Variants in PPARGC1A observed in about 807,000 individuals in gnomAD.
The protein encoded by PPARGC1A is peroxisome proliferator-activated receptor gamma coactivator 1-alpha.
PPARGC1A carries 25 observed loss-of-function variants against 88.7 expected under a neutral mutation model. That is an observed-to-expected ratio of 0.28 (90% confidence interval 0.21 to 0.39). The LOEUF (loss-of-function observed/expected upper bound fraction) is 0.39, where lower values mean the gene tolerates loss of function less well. Ranked by LOEUF, PPARGC1A falls within the 10% of genes least tolerant of loss-of-function variation. The probability of loss-of-function intolerance (pLI) is 1.00; values close to 1 mark genes in which losing one functional copy is unlikely to be tolerated. For synonymous variants in PPARGC1A, 363 were observed against 355.6 expected (o/e 1.02, Z -0.24); for missense variants, 880 against 968.7 (o/e 0.91, Z 1.22).
the PPARGC1A span, among the ~76,000 whole-genome samples, chr4:24,161,279 T>C: frequency 2.6e-5 from 4 of 152,192 alleles, no homozygotes; most frequent in African/African-American, 9.6e-5. Flanking sequence ...CTCTCCCACC[T>C]CTCAGCTTTT....
chr4:23,814,271 G>C lies in PPARGC1A; in HGVS notation c.1212C>G (p.Leu404=). The change falls in exon 8 of 13, where the codon CTC becomes CTG. Residue 404 remains leucine (L), a synonymous_variant. Coordinates refer to ENST00000264867, the MANE Select transcript of PPARGC1A (RefSeq NM_013261.5). ...TEILINISQE[L]QDSRQLENKD... is the part of the protein sequence containing the mutation. The stretch of plus-strand genomic sequence containing the variant: ...TATTTTCTAGTTGTCTAGAGTCTTG[G>C]AGCTCCTGTGATATATTAATGAGTA... 6.2e-7 allele frequency: 1 copy of C among 1,614,006 alleles called. No individual in the cohort carries two copies. The highest frequency in any genetic ancestry group is 8.5e-7 in the Non-Finnish European group (1 of 1,179,986).
chr4:23,954,390 A>C, the PPARGC1A span, among the ~76,000 whole-genome samples: 7 of 152,142 alleles, frequency 4.6e-5, no homozygotes, highest in East Asian at 1.4e-3. Context: ...TCTCTGGACA[A>C]TTTTGTTATT....
At chr4:24,212,134 G>A in the PPARGC1A span, among the ~76,000 whole-genome samples, 2 of 152,156 alleles carry the variant, frequency 1.3e-5, no homozygotes, top group Admixed American at 1.3e-4. Flanking sequence ...GTTTCTTGAT[G>A]TAAGTCCAAC....
the PPARGC1A span, among the ~76,000 whole-genome samples, chr4:24,404,119 CG>C: frequency 2.4e-4 from 37 of 151,838 alleles, no homozygotes; most frequent in Non-Finnish European, 4.4e-4. Flanking sequence ...AAAAATTAGC[CG>C]GGCATGGTGG....
chr4:24,304,245 TGACTTCTA>T, the PPARGC1A span, among the ~76,000 whole-genome samples: 26 of 152,230 alleles, frequency 1.7e-4, no homozygotes, highest in African/African-American at 5.5e-4. Context: ...GCACTTATTT[TGACTTCTA>T]GTGAGTGCTA....
chr4:24,065,752 G>A, the PPARGC1A span, among the ~76,000 whole-genome samples: 9 of 152,236 alleles, frequency 5.9e-5, no homozygotes, highest in Non-Finnish European at 1.2e-4. Flanking sequence ...CTCTCCCTAG[G>A]TTAGTGGGCA....
At chr4:23,829,205 G>C (rs867935305) in intron 4 of PPARGC1A, among the ~76,000 whole-genome samples, 1 of 152,150 alleles carries the variant, frequency 6.6e-6, no homozygotes, top group African/African-American at 2.4e-5. Flanking sequence ...CAATGCTGCA[G>C]GTAACAATAA....
the PPARGC1A span, among the ~76,000 whole-genome samples, chr4:24,097,445 C>A: frequency 6.6e-6 from 1 of 152,106 alleles, no homozygotes; most frequent in African/African-American, 2.4e-5. Flanking sequence ...TATACATTTC[C>A]ACTTTAACTT....
At chr4:24,264,173 A>G in the PPARGC1A span, among the ~76,000 whole-genome samples, 40 of 152,336 alleles carry the variant, frequency 2.6e-4, no homozygotes, top group Admixed American at 7.8e-4. Flanking sequence ...AGTCAATAGT[A>G]GACTATCAGT....
the PPARGC1A span, among the ~76,000 whole-genome samples, chr4:24,234,681 A>G: frequency 6.6e-6 from 1 of 152,222 alleles, no homozygotes; most frequent in Non-Finnish European, 1.5e-5. Context: ...TACTGTGGTT[A>G]TGTGCTAATT....
At chr4:23,895,958 GTGTGTGTGTGTGTGTGTGTGTGTATATA>G (rs1278935928) in intron 1 of PPARGC1A, among the ~76,000 whole-genome samples, 21 of 51,948 alleles carry the variant, frequency 4.0e-4, no homozygotes, top group African/African-American at 2.4e-3. Context: ...GTGTGTGTGT[GTGTGTGTGTGTGTGTGTGTGTGTATATA>G]TATATACACA....
chr4:23,930,412 G>A, the PPARGC1A span, among the ~76,000 whole-genome samples: 1 of 152,126 alleles, frequency 6.6e-6, no homozygotes, highest in Non-Finnish European at 1.5e-5. Context: ...TGACATTTAG[G>A]TACAACGCTG....
chr4:23,921,906 C>T, the PPARGC1A span, among the ~76,000 whole-genome samples: 7 of 152,204 alleles, frequency 4.6e-5, no homozygotes, highest in Admixed American at 4.6e-4. Context: ...TGTCGGAGAG[C>T]ACGTTCTACA....
At chr4:24,176,052 A>G in the PPARGC1A span, among the ~76,000 whole-genome samples, 1 of 152,136 alleles carries the variant, frequency 6.6e-6, no homozygotes, top group Non-Finnish European at 1.5e-5. Context: ...AGTCTCAAGG[A>G]TCACTGGGCT....
the PPARGC1A span, among the ~76,000 whole-genome samples, chr4:24,054,916 T>A: frequency 6.6e-6 from 1 of 152,192 alleles, no homozygotes; most frequent in African/African-American, 2.4e-5. Context: ...AAGCACAATA[T>A]TACTAAATTG....
At chr4:24,232,924 C>T in the PPARGC1A span, among the ~76,000 whole-genome samples, 2 of 152,070 alleles carry the variant, frequency 1.3e-5, no homozygotes, top group Non-Finnish European at 2.9e-5. Context: ...GAAAGCAAAT[C>T]GTGAAGGAAA....
At chr4:24,315,552 G>T in the PPARGC1A span, among the ~76,000 whole-genome samples, 1 of 152,198 alleles carries the variant, frequency 6.6e-6, no homozygotes, top group Non-Finnish European at 1.5e-5. Flanking sequence ...TCCCTGACTA[G>T]CTCTGCCCAA....
the PPARGC1A span, among the ~76,000 whole-genome samples, chr4:24,243,724 G>T: frequency 1.7e-4 from 26 of 152,260 alleles, no homozygotes; most frequent in Non-Finnish European, 3.1e-4. Flanking sequence ...CTGTCTGATG[G>T]CTACTCCTTC....
At chr4:24,042,442 C>T in the PPARGC1A span, among the ~76,000 whole-genome samples, 1 of 152,212 alleles carries the variant, frequency 6.6e-6, no homozygotes, top group Non-Finnish European at 1.5e-5. Context: ...CTCCAGTGAG[C>T]TTGAATCTCT....
Sources: allele counts gnomAD v4.1 joint callset (sites outside exome capture counted in the v4.1 genomes callset), GRCh38; gene constraint gnomAD v4.1.1; transcripts MANE v1.5; gene names NCBI Gene and HGNC (gene_info 2026-07-23, HGNC 2026-07-21).